CHRNA1: variants seen among roughly 807,000 people sequenced by gnomAD.
CHRNA1 encodes the protein cholinergic receptor nicotinic alpha 1 subunit, also known as acetylcholine receptor subunit alpha.
A neutral mutation model predicts 47.1 loss-of-function variants in CHRNA1; 35 were observed. The ratio of observed to expected loss-of-function variants is 0.74; its 90% CI spans 0.57 to 0.99. CHRNA1 has a LOEUF of 0.99. CHRNA1 is among the 50% of genes least tolerant of loss of function. The pLI is 0.00. For missense variants in CHRNA1, 506 were observed against 591.1 expected, an observed-to-expected ratio of 0.86 and a Z score of 1.49; for synonymous variants, 229 against 223.6, an observed-to-expected ratio of 1.02 and a Z score of -0.22.
chr2:174,756,002 C>T (rs922848149), intron 4 of CHRNA1, among the ~76,000 whole-genome samples: 1 of 150,064 alleles, frequency 6.7e-6, no homozygotes, highest in Non-Finnish European at 1.5e-5. Flanking sequence ...CACCACAACA[C>T]TCCAGCCTGA....
chr2:174,757,559 T>C lies in CHRNA1; in HGVS notation c.344+7A>G. ...AGCACCCTCCGCCACCCATGCAGTTTGCTCACTTGTTATAGAGAACAAGGT... is the reference window on the plus strand; with the variant it reads ...AGCACCCTCCGCCACCCATGCAGTTCGCTCACTTGTTATAGAGAACAAGGT... On this transcript the variant is annotated splice_region_variant and intron_variant, in intron 4 of 8. Coordinates refer to ENST00000348749, the MANE Select transcript of CHRNA1 (RefSeq NM_000079.4). The C allele has an allele frequency of 6.2e-7, 1 of 1,611,094 alleles. No homozygotes were observed. The highest frequency in any genetic ancestry group is 8.5e-7 in the Non-Finnish European group (1 of 1,177,222).
Position 174,754,375 on chromosome 2 carries a change from C to G in CHRNA1, c.384G>C (p.Val128=), listed in dbSNP as rs755130911. 6.2e-6 allele frequency: 10 copies of G among 1,614,130 alleles called. No homozygotes were observed. The East Asian group carries it at 2.0e-4, about 32-fold the overall frequency. Residue 128 remains valine (V), a synonymous_variant, in exon 5 of 9, where the codon GTG becomes GTC. Transcript: ENST00000348749. ...TGATGTGGCCAGTGTACTGCAGGAG[C>G]ACTTTGGTGAACTTGACAATAGCAA... ...GDFAIVKFTK[V]LLQYTGHITW...
Position 174,753,760 on chromosome 2 carries a change from T to G in CHRNA1, c.541-20A>C, listed in dbSNP as rs1180120271. ...GCTTTCCTGAGAAAGGAAGTGAGGT[T>G]TGGAAATCCCAGGCAGGTCACCCTG... On this transcript the variant is annotated intron_variant, in intron 5 of 8. Transcript: ENST00000348749. 1 of 1,612,612 alleles carries G rather than the reference T, an allele frequency of 6.2e-7. No homozygotes were observed. The highest frequency in any genetic ancestry group is 2.2e-5 in the East Asian group (1 of 44,880).
In CHRNA1 at chr2:174,753,702, G is replaced by A. The variant is rs534185815; in HGVS notation, c.579C>T (p.Ser193=). The A allele has an allele frequency of 6.1e-5, 99 of 1,614,040 alleles. 1 individual carries two copies. Among genetic ancestry groups the A allele is most frequent in the South Asian group, 5.3e-4 (48 of 91,058 alleles). The change falls in exon 6 of 9, where the codon AGC becomes AGT. Residue 193 remains serine, a synonymous_variant. Transcript: ENST00000348749. ...GGGACTCCTTGATCACCCACTCCCC[G>A]CTCTCCATGAAGTTGCTCAGGTCTG... ...DQPDLSNFME[S]GEWVIKESRG...
Position 174,747,763 on chromosome 2 carries a change from C to T in CHRNA1, c.*361G>A. On this transcript the variant is annotated 3_prime_UTR_variant, in exon 9 of 9. Coordinates refer to ENST00000348749, the MANE Select transcript of CHRNA1 (RefSeq NM_000079.4). The stretch of plus-strand genomic sequence containing the variant: ...AGAACATCAGCAACTCCCTAGTGGT[C>T]TCGTGGTTAGACAAAATAAGTAAAT... The T allele has an allele frequency of 3.2e-6, 1 of 313,066 alleles. No individual in the cohort carries two copies. Among genetic ancestry groups the T allele is most frequent in the South Asian group, 2.9e-5 (1 of 34,238 alleles). The allele number at this position is 313,066 out of a possible 1,614,324, so 19.4% of individuals were successfully genotyped here. A position where few individuals can be genotyped will look rare whatever the true frequency, so the allele number is the denominator to read the frequency against.
Position 174,754,294 on chromosome 2 carries a change from A to C in CHRNA1, c.465T>G (p.Phe155Leu). 6.2e-7 allele frequency: 1 copy of C among 1,614,200 alleles called. No homozygotes were observed. Among genetic ancestry groups the C allele is most frequent in the Non-Finnish European group, 8.5e-7 (1 of 1,180,036 alleles). ...TGCTGCAGTTCTGTTCATCAAAGGGAAAGTGGGTGACGATGATCTCACAGT... is the reference window on the plus strand; with the variant it reads ...TGCTGCAGTTCTGTTCATCAAAGGGCAAGTGGGTGACGATGATCTCACAGT... The part of the protein sequence containing the change: ...KSYCEIIVTH[F>L]PFDEQNCSMK... The change falls in exon 5 of 9, where the codon TTT becomes TTG. Residue 155 changes from phenylalanine to leucine, a missense_variant. Phe to Leu is a conservative substitution (Grantham distance 22). Transcript: ENST00000348749.
intron 8 of CHRNA1, 72 bp from the exon 9 acceptor site, chr2:174,748,327 A>G: frequency 6.2e-7 from 1 of 1,602,190 alleles, no homozygotes; most frequent in South Asian, 1.1e-5. Flanking sequence ...TGTGCTTTGC[A>G]TCAACTATGG....
chr2:174,748,057 CT>C lies in CHRNA1; in HGVS notation c.*66del. The C allele has an allele frequency of 3.1e-6, 5 of 1,600,980 alleles. No homozygotes were observed. The highest frequency in any genetic ancestry group is 4.3e-6 in the Non-Finnish European group (5 of 1,171,276). On this transcript the variant is annotated 3_prime_UTR_variant, in exon 9 of 9. Transcript: ENST00000348749. ...GTGCGAGTGGAGCAAGTAGACAAAT[CT>C]TCCTCTCCTGCCCTTCTCTGCTCTG...
At chr2:174,753,790 G>A (rs951736292) in intron 5 of CHRNA1, 50 bp from the exon 6 acceptor site, 3 of 1,564,994 alleles carry the variant, frequency 1.9e-6, no homozygotes, top group Non-Finnish European at 2.6e-6. Context: ...ACCCTGATGA[G>A]GGGCAGCGTT....
rs1436750952 is a variant in CHRNA1, at chr2:174,754,519, T to C, written c.345-105A>G. On this transcript the variant is annotated intron_variant, in intron 4 of 8. Coordinates refer to ENST00000348749, the MANE Select transcript of CHRNA1 (RefSeq NM_000079.4). ...CAGCTGTTAATTATTCAGGTGCTAA[T>C]TATAGAAGCTCTGTTTCGGGCAGCG... 9.4e-6 allele frequency: 9 copies of C among 952,628 alleles called. No individual in the cohort carries two copies. In the South Asian group the frequency reaches 1.2e-4, roughly 13 times the overall value. 59.0% of individuals were successfully genotyped at this position (952,628 alleles called of 1,614,324 possible). A position where few individuals can be genotyped will look rare whatever the true frequency, so the allele number is the denominator to read the frequency against.
At chr2:174,750,235 C>T in intron 6 of CHRNA1, 66 bp from the exon 7 acceptor site, 2 of 1,215,806 alleles carry the variant, frequency 1.6e-6, no homozygotes, top group Non-Finnish European at 2.4e-6. Flanking sequence ...TGCAGTGTTC[C>T]TCCCACCCCA....
chr2:174,754,642 C>G (rs1683937842), intron 4 of CHRNA1, among the ~76,000 whole-genome samples: 1 of 151,978 alleles, frequency 6.6e-6, no homozygotes, highest in Non-Finnish European at 1.5e-5. Context: ...CTAAGTAAAC[C>G]CTGAATCTGA....
At chr2:174,763,327 C>T (rs899553294) in intron 1 of CHRNA1, among the ~76,000 whole-genome samples, 9 of 27,962 alleles carry the variant, frequency 3.2e-4, no homozygotes, top group South Asian at 2.6e-3. Context: ...TGTGCACGCG[C>T]GCGCACACAC....
chr2:174,763,173 A>G (rs1271677908), intron 1 of CHRNA1, among the ~76,000 whole-genome samples: 2 of 152,248 alleles, frequency 1.3e-5, no homozygotes, highest in Non-Finnish European at 2.9e-5. Context: ...TGACCTAAAT[A>G]CATATCACAT....
intron 1 of CHRNA1, 114 bp downstream of exon 1, chr2:174,764,238 G>T: frequency 9.2e-7 from 1 of 1,085,980 alleles, no homozygotes; most frequent in Non-Finnish European, 1.4e-6. Flanking sequence ...CCCCTGGTTG[G>T]GGAGGCTCTG....
chr2:174,748,232 A>G lies in CHRNA1; in HGVS notation c.1266T>C (p.Val422=), dbSNP rs764451540. 6.2e-7 allele frequency: 1 copy of G among 1,614,158 alleles called. No homozygotes were observed. The highest frequency in any genetic ancestry group is 2.2e-5 in the East Asian group (1 of 44,884). Residue 422 remains valine, a synonymous_variant, in exon 9 of 9, where the codon GTT becomes GTC. Coordinates refer to ENST00000348749, the MANE Select transcript of CHRNA1 (RefSeq NM_000079.4). ...SNNAAAEWKY[V]AMVMDHILLG... Reference sequence around the variant, plus strand: ...GGAGTATGTGGTCCATCACCATTGCAACGTACTTCCACTCTGCCGCCGCCT... The same window carrying G: ...GGAGTATGTGGTCCATCACCATTGCGACGTACTTCCACTCTGCCGCCGCCT...
intron 4 of CHRNA1, among the ~76,000 whole-genome samples, chr2:174,757,293 G>A (rs796184612): frequency 5.3e-5 from 8 of 152,002 alleles, no homozygotes; most frequent in African/African-American, 1.4e-4. Flanking sequence ...CCCCTAGCCC[G>A]TCAACTTGGC....
chr2:174,759,265 T>C (rs1684044031), intron 3 of CHRNA1, 66 bp downstream of exon 3: 1 of 1,529,828 alleles, frequency 6.5e-7, no homozygotes, highest in South Asian at 1.1e-5. Flanking sequence ...ATTGATTTCC[T>C]CTGGGCCCAG....
chr2:174,752,655 G>A (rs1181437962), intron 6 of CHRNA1: 8 of 152,086 alleles, frequency 5.3e-5, no homozygotes, highest in African/African-American at 1.9e-4. Context: ...TATTCTCTGC[G>A]GTCTATCTAC....
Sources: allele counts gnomAD v4.1 joint callset (sites outside exome capture counted in the v4.1 genomes callset), GRCh38; gene constraint gnomAD v4.1.1; transcripts MANE v1.5; gene names NCBI Gene and HGNC (gene_info 2026-07-23, HGNC 2026-07-21).